PRKCZ: variants seen among roughly 807,000 people sequenced by gnomAD.
PRKCZ encodes the protein protein kinase C zeta.
PRKCZ carries 33 observed loss-of-function variants against 79.5 expected under a neutral mutation model. That is an observed-to-expected ratio of 0.41 (90% CI 0.31 to 0.55). PRKCZ has a LOEUF of 0.55. Ranked by LOEUF, PRKCZ falls within the 20% of genes least tolerant of loss-of-function variation. The pLI is 0.19. For missense variants in PRKCZ, 578 were observed against 813.5 expected (o/e 0.71, Z 3.52); for synonymous variants, 342 against 320.9 (o/e 1.07, Z -0.70).
chr1:2,158,647 C>T (rs1406843899), intron 10 of PRKCZ, among the ~76,000 whole-genome samples: 2 of 152,202 alleles, frequency 1.3e-5, no homozygotes, highest in Non-Finnish European at 2.9e-5. Context: ...TTTTGTTTTG[C>T]TTTGGTTCTT....
intron 10 of PRKCZ, among the ~76,000 whole-genome samples, chr1:2,167,311 C>T (rs1557723093): frequency 6.6e-6 from 1 of 152,262 alleles, no homozygotes; most frequent in Admixed American, 6.5e-5. Context: ...CAAATTCTCT[C>T]AGCCTCCTGA....
At chr1:2,081,091 C>T (rs535939033) in intron 4 of PRKCZ, among the ~76,000 whole-genome samples, 6 of 152,320 alleles carry the variant, frequency 3.9e-5, no homozygotes, top group East Asian at 1.9e-4. Flanking sequence ...GTCCTGTCTG[C>T]GGAGTGAGGC....
At chr1:2,115,277 A>T (rs140760989) in intron 4 of PRKCZ, among the ~76,000 whole-genome samples, 2,038 of 152,070 alleles carry the variant, frequency 0.013, 49 homozygotes, top group African/African-American at 0.044. Flanking sequence ...TTATGTATCC[A>T]CCCTCATCTT....
intron 4 of PRKCZ, among the ~76,000 whole-genome samples, chr1:2,117,486 C>A (rs191735457): frequency 4.1e-4 from 63 of 151,948 alleles, no homozygotes; most frequent in Non-Finnish European, 2.9e-5. Flanking sequence ...CCTCTCTGTG[C>A]GCTGCCATTT....
chr1:2,069,974 G>A (rs556811920), intron 4 of PRKCZ, among the ~76,000 whole-genome samples: 31 of 152,306 alleles, frequency 2.0e-4, no homozygotes, highest in African/African-American at 7.5e-4. Flanking sequence ...TGGAGGAGGT[G>A]CCGGGGGTAG....
rs1210337224 is a variant in PRKCZ, at chr1:2,149,631, A to T, written c.687+707A>T. ...ATCCCAGCATTTTGGGAGGCTGCGCACATCGCTTGAGTCCAGGAGCTCGAG... is the reference window on the plus strand; with the variant it reads ...ATCCCAGCATTTTGGGAGGCTGCGCTCATCGCTTGAGTCCAGGAGCTCGAG... On this transcript the variant is annotated intron_variant, in intron 8 of 17. Transcript: ENST00000378567. The surrounding 1 kb of genome is among the most constrained non-coding windows in gnomAD (Gnocchi z 4.1). 1.3e-5 allele frequency among the ~76,000 whole-genome samples: 2 copies of T among 152,202 alleles called. No homozygotes were observed. Among genetic ancestry groups the T allele is most frequent in the Non-Finnish European group, 2.9e-5 (2 of 68,040 alleles).
chr1:2,074,092 A>G (rs1207149077), intron 4 of PRKCZ: 96 of 1,497,386 alleles, frequency 6.4e-5, no homozygotes, highest in Non-Finnish European at 8.3e-5. Flanking sequence ...CCGGGCAGCA[A>G]CACGGCTGGT....
rs575890720 is a variant in PRKCZ at position 2,170,278 on chromosome 1, C to G, written c.1061+674C>G. ...GCCTCCAGCATGGTTCAGGAGCCTC[C>G]CCCGGCAGCCGCGGGACCTCCAGGA... On this transcript the variant is annotated intron_variant, in intron 11 of 17. Coordinates refer to ENST00000378567, the MANE Select transcript of PRKCZ (RefSeq NM_002744.6). Among the ~76,000 whole-genome samples, 13 of 152,262 alleles carry G rather than the reference C, an allele frequency of 8.5e-5. No homozygotes were observed. The East Asian group carries it at 2.3e-3, about 27-fold the overall frequency.
At chr1:2,091,947 A>T (rs772200719) in intron 4 of PRKCZ, among the ~76,000 whole-genome samples, 4 of 152,178 alleles carry the variant, frequency 2.6e-5, no homozygotes, top group Non-Finnish European at 5.9e-5. Flanking sequence ...TCTTTATAAA[A>T]ATTATTTAAG....
intron 4 of PRKCZ, among the ~76,000 whole-genome samples, chr1:2,102,151 A>G (rs1667544560): frequency 6.6e-6 from 1 of 152,168 alleles, no homozygotes. Flanking sequence ...GCCACATGCC[A>G]GAGCGGGTAG....
intron 4 of PRKCZ, among the ~76,000 whole-genome samples, chr1:2,100,182 G>T (rs1290277097): frequency 6.6e-6 from 1 of 152,354 alleles, no homozygotes; most frequent in South Asian, 2.1e-4. Context: ...CATACTGCTG[G>T]CCTTTCCTGG....
At chr1:2,117,025 C>T (rs1006769221) in intron 4 of PRKCZ, among the ~76,000 whole-genome samples, 3 of 152,250 alleles carry the variant, frequency 2.0e-5, no homozygotes, top group African/African-American at 7.2e-5. Flanking sequence ...TCATGGCTCA[C>T]TGCAGCCTTG....
chr1:2,076,666 C>T (rs934229946), intron 4 of PRKCZ, among the ~76,000 whole-genome samples: 6 of 151,366 alleles, frequency 4.0e-5, no homozygotes, highest in South Asian at 2.1e-4. Context: ...CGCTTGAATC[C>T]GGGAGGCAGA....
chr1:2,141,828 G>A (rs1023402254), intron 5 of PRKCZ: 3 of 220,254 alleles, frequency 1.4e-5, no homozygotes, highest in Non-Finnish European at 2.8e-5. Context: ...GTTCTTCTGC[G>A]CTGTGGACGC....
chr1:2,106,604 A>G (rs79733586), intron 4 of PRKCZ, among the ~76,000 whole-genome samples: 1,631 of 12,306 alleles, frequency 0.13, 458 homozygotes, highest in Middle Eastern at 0.22. Context: ...GGACCTCCAC[A>G]CGTGTCACCA....
At chr1:2,099,279 T>C (rs1372242305) in intron 4 of PRKCZ, among the ~76,000 whole-genome samples, 1 of 152,236 alleles carries the variant, frequency 6.6e-6, no homozygotes, top group Non-Finnish European at 1.5e-5. Context: ...GCTAGGATCC[T>C]CCTCAGTGTG....
chr1:2,126,750 C>T (rs1325780105), intron 4 of PRKCZ, among the ~76,000 whole-genome samples: 3 of 152,216 alleles, frequency 2.0e-5, no homozygotes, highest in Non-Finnish European at 2.9e-5. Flanking sequence ...GGCCCAGGCT[C>T]GCCACTTGCC....
Position 2,156,106 on chromosome 1 carries a change from G to A in PRKCZ, c.974+14G>A. 2 of 1,595,870 alleles carry A rather than the reference G, an allele frequency of 1.3e-6. No individual in the cohort carries two copies. Among genetic ancestry groups the A allele is most frequent in the South Asian group, 2.2e-5 (2 of 90,684 alleles). ...GACGACAAGTCGGTAAGAAAAAGAA[G>A]GGTATTTCTGATATTCTGCAGATTT... is the stretch of plus-strand genomic sequence containing the variant. On this transcript the variant is annotated intron_variant, in intron 10 of 17. Coordinates refer to ENST00000378567, the MANE Select transcript of PRKCZ (RefSeq NM_002744.6).
intron 4 of PRKCZ, among the ~76,000 whole-genome samples, chr1:2,118,989 G>C (rs1473404887): frequency 6.6e-6 from 1 of 151,714 alleles, no homozygotes; most frequent in Non-Finnish European, 1.5e-5. Context: ...TTATTTGTCC[G>C]GTCTGTTCTT....
Sources: gnomAD v4.1 joint callset for allele counts (sites outside exome capture counted in the v4.1 genomes callset) on GRCh38, gnomAD v4.1.1 for gene constraint, Gnocchi (gnomAD v3.1) non-coding constraint, MANE v1.5 for transcripts, NCBI Gene and HGNC (gene_info 2026-07-23, HGNC 2026-07-21) for gene names.